The following RAB27A variants were observed in gnomAD, a reference collection of about 807,000 sequenced individuals.
RAB27A encodes ras-related protein Rab-27A.
A neutral mutation model predicts 20.8 loss-of-function variants in RAB27A; 17 were observed. That is an observed-to-expected ratio of 0.82 (90% CI 0.56 to 1.23). RAB27A has a LOEUF of 1.23. Ranked by LOEUF, RAB27A falls within the 50% of genes most tolerant of loss-of-function variation. RAB27A has a pLI of 0.00. For missense variants in RAB27A, 277 were observed against 266.7 expected, an observed-to-expected ratio of 1.04 and a Z score of -0.27; for synonymous variants, 85 against 92.8, an observed-to-expected ratio of 0.92 and a Z score of 0.48.
rs568626990 is a variant in RAB27A at position 55,220,726 on chromosome 15, C to T, written c.467+3163G>A. Among the ~76,000 whole-genome samples, 176 of 152,284 alleles carry T rather than the reference C, an allele frequency of 1.2e-3. 1 individual carries two copies. Among genetic ancestry groups the T allele is most frequent in the Non-Finnish European group, 1.3e-3 (87 of 68,008 alleles). ...ACATGGATAAACTAAACAATATAGT[C>T]CTTTAGTGCATGTGTAACCAGTGTA... On this transcript the variant is annotated intron_variant, in intron 6 of 6. Transcript: ENST00000336787.
At chr15:55,248,761 C>T (rs1300294885) in intron 2 of RAB27A, among the ~76,000 whole-genome samples, 1 of 152,134 alleles carries the variant, frequency 6.6e-6, no homozygotes, top group Non-Finnish European at 1.5e-5. Context: ...TTTAATACCA[C>T]TAAATCAATG....
Position 55,222,140 on chromosome 15 carries a change from A to C in RAB27A, c.467+1749T>G, listed in dbSNP as rs117625852. Among the ~76,000 whole-genome samples the C allele has an allele frequency of 2.0e-4, 31 of 152,322 alleles. No homozygotes were observed. The East Asian group carries it at 6.0e-3, about 29-fold the overall frequency. ...TGAACCCTGCCTGAGAAACTCCTCC[A>C]AACCAATTATGTCTGATGGTCAGAG... is the stretch of plus-strand genomic sequence containing the variant. On this transcript the variant is annotated intron_variant, in intron 6 of 6. Coordinates refer to ENST00000336787, the MANE Select transcript of RAB27A (RefSeq NM_183235.3).
At chr15:55,291,869 C>A (rs1898321062), upstream of RAB27A, among the ~76,000 whole-genome samples, 1 of 152,138 alleles carries the variant, frequency 6.6e-6, no homozygotes, top group Non-Finnish European at 1.5e-5. Context: ...AATAAGTAGG[C>A]AACTCCAGTA....
chr15:55,209,876 A>ATGTGTGTATACATATATACACATATGTG, intron 6 of RAB27A, among the ~76,000 whole-genome samples: 1 of 106,732 alleles, frequency 9.4e-6, no homozygotes, highest in Admixed American at 8.0e-5. Context: ...ATATACATAT[A>ATGTGTGTATACATATATACACATATGTG]TGTGTGTGTA....
intron 2 of RAB27A, among the ~76,000 whole-genome samples, chr15:55,296,620 G>A (rs531066418): frequency 4.6e-5 from 7 of 152,340 alleles, no homozygotes; most frequent in African/African-American, 1.7e-4. Context: ...GATCCATCCT[G>A]AGGGAGGACT....
At chr15:55,226,966 T>C (rs12439213) in intron 5 of RAB27A, among the ~76,000 whole-genome samples, 11,522 of 151,842 alleles carry the variant, frequency 0.076, 694 homozygotes, top group Admixed American at 0.18. Context: ...AATTAACAAA[T>C]GTTTATTCCT....
intron 2 of RAB27A, among the ~76,000 whole-genome samples, chr15:55,258,681 T>A (rs1003459204): frequency 2.0e-5 from 3 of 152,270 alleles, no homozygotes; most frequent in Non-Finnish European, 2.9e-5. Flanking sequence ...GTGCTTGTTG[T>A]CAGACTTCTC....
At chr15:55,241,764 C>T (rs1259349228) in intron 2 of RAB27A, among the ~76,000 whole-genome samples, 1 of 150,874 alleles carries the variant, frequency 6.6e-6, no homozygotes, top group Non-Finnish European at 1.5e-5. Context: ...GATATGCTCA[C>T]ATCACTACAT....
chr15:55,217,506 T>G (rs1190054636), intron 6 of RAB27A, among the ~76,000 whole-genome samples: 1 of 148,822 alleles, frequency 6.7e-6, no homozygotes, highest in Non-Finnish European at 1.5e-5. Context: ...CTAAAAAAAA[T>G]ATATAAAAAT....
intron 4 of RAB27A, among the ~76,000 whole-genome samples, chr15:55,229,162 C>A (rs1895934601): frequency 6.6e-6 from 1 of 152,166 alleles, no homozygotes; most frequent in Admixed American, 6.5e-5. Flanking sequence ...TCTTGGTACT[C>A]TGCCTTCCAA....
chr15:55,301,041 C>A (rs975350468), intron 2 of RAB27A, among the ~76,000 whole-genome samples: 1 of 152,016 alleles, frequency 6.6e-6, no homozygotes, highest in African/African-American at 2.4e-5. Flanking sequence ...GGATACAGGC[C>A]CTAAGTTGAC....
intron 2 of RAB27A, chr15:55,249,129 T>C (rs1274747533): frequency 1.3e-5 from 2 of 152,220 alleles, no homozygotes; most frequent in Admixed American, 6.5e-5. Flanking sequence ...GGAACAACAA[T>C]GCACAGCCAT....
At chr15:55,300,857 T>A (rs200895470) in intron 2 of RAB27A, among the ~76,000 whole-genome samples, 7,801 of 137,020 alleles carry the variant, frequency 0.057, 279 homozygotes, top group East Asian at 0.22. Context: ...ACAGACTTCA[T>A]AGACTTAGAG....
At chr15:55,274,794 T>TTATATATATATATA (rs371945954) in intron 1 of RAB27A, among the ~76,000 whole-genome samples, 5,437 of 51,486 alleles carry the variant, frequency 0.11, 659 homozygotes, top group Non-Finnish European at 0.15. Context: ...AATAAATAAA[T>TTATATATATATATA]TATATATATA....
At chr15:55,244,816 C>G (rs1362096751) in intron 2 of RAB27A, among the ~76,000 whole-genome samples, 1 of 152,122 alleles carries the variant, frequency 6.6e-6, no homozygotes, top group African/African-American at 2.4e-5. Context: ...TCCCCTTGTT[C>G]AGTGATTGAT....
In RAB27A at chr15:55,313,001, G is replaced by A. The variant is rs193078760; in HGVS notation, c.-112+1038C>T. Among the ~76,000 whole-genome samples the A allele has an allele frequency of 3.0e-3, 456 of 152,272 alleles. 2 individuals carry two copies. The highest frequency in any genetic ancestry group is 4.6e-3 in the Non-Finnish European group (312 of 68,022). On this transcript the variant is annotated intron_variant, in intron 2 of 5. Coordinates refer to the RAB27A transcript ENST00000563262. ...GACAGAGGCTGCTCCTTGAGCCCCG[G>A]TCCCAGAATGAGAAGACACAAACAA... is the stretch of plus-strand genomic sequence containing the variant.
intron 2 of RAB27A, among the ~76,000 whole-genome samples, chr15:55,254,224 TAAAG>T (rs1896999922): frequency 6.6e-6 from 1 of 152,178 alleles, no homozygotes; most frequent in Non-Finnish European, 1.5e-5. Context: ...TCCTATTTTT[TAAAG>T]AAAGAAATAT....
At chr15:55,315,574 C>G (rs1411302276) in intron 1 of RAB27A, among the ~76,000 whole-genome samples, 1 of 151,990 alleles carries the variant, frequency 6.6e-6, no homozygotes, top group African/African-American at 2.4e-5. Context: ...AAAAACAACC[C>G]CATCAAAAAG....
Position 55,255,700 on chromosome 15 carries a change from C to T in RAB27A, c.-23+14465G>A, listed in dbSNP as rs189378241. Among the ~76,000 whole-genome samples the T allele has an allele frequency of 2.3e-3, 345 of 152,248 alleles. 4 individuals carry two copies. The highest frequency in any genetic ancestry group is 7.9e-3 in the African/African-American group (330 of 41,528). ...GTAAGCAATTACTACCTTTCCAGTACGGTGCTAGCAACTACGAATGGCATG... is the reference window on the plus strand; with the variant it reads ...GTAAGCAATTACTACCTTTCCAGTATGGTGCTAGCAACTACGAATGGCATG... On this transcript the variant is annotated intron_variant, in intron 2 of 6. Transcript: ENST00000336787.
Sources: allele counts gnomAD v4.1 joint callset (sites outside exome capture counted in the v4.1 genomes callset), GRCh38; gene constraint gnomAD v4.1.1; transcripts MANE v1.5; gene names NCBI Gene and HGNC (gene_info 2026-07-23, HGNC 2026-07-21).